Variants in PREX2 observed in about 807,000 individuals in gnomAD.
PREX2 encodes the protein phosphatidylinositol-3,4,5-trisphosphate dependent Rac exchange factor 2.
In PREX2, 107 loss-of-function variants were observed where a neutral mutation model predicts 203.2. The ratio of observed to expected loss-of-function variants is 0.53; its 90% CI spans 0.45 to 0.62. The LOEUF (loss-of-function observed/expected upper bound fraction) is 0.62. Among genes scored for constraint, PREX2 ranks in the 20% least tolerant of loss-of-function variants. The pLI is 0.00. For synonymous variants in PREX2, 672 were observed against 663.6 expected (o/e 1.01, Z -0.19); for missense variants, 1,777 against 1,955.9 (o/e 0.91, Z 1.72).
At chr8:68,035,277 A>T (rs1425061504) in intron 6 of PREX2, among the ~76,000 whole-genome samples, 2 of 151,916 alleles carry the variant, frequency 1.3e-5, no homozygotes, top group East Asian at 3.9e-4. Context: ...TTTTTAAGAG[A>T]CTCCTTTGAT....
At chr8:67,956,902 C>G (rs1407342271) in intron 1 of PREX2, among the ~76,000 whole-genome samples, 2 of 152,160 alleles carry the variant, frequency 1.3e-5, no homozygotes, top group Non-Finnish European at 2.9e-5. Flanking sequence ...TATTTGAGTC[C>G]CATCTCTAAT....
At position 68,023,921 on chromosome 8, in the gene PREX2, G is replaced by T. The variant is rs551929265; in HGVS notation, c.441+1781G>T. Among the ~76,000 whole-genome samples the T allele has an allele frequency of 2.6e-5, 4 of 152,080 alleles. No individual in the cohort carries two copies. The East Asian group carries it at 7.7e-4, about 29-fold the overall frequency. On this transcript the variant is annotated intron_variant, in intron 4 of 39. Coordinates refer to ENST00000288368, the MANE Select transcript of PREX2 (RefSeq NM_024870.4). The stretch of plus-strand genomic sequence containing the variant: ...GGATCAATTATCTGATAATAAAGAT[G>T]ATTTTACTTCTTCTTTTCCATTGTG...
At chr8:68,036,222 T>A (rs1808026504) in intron 6 of PREX2, among the ~76,000 whole-genome samples, 1 of 152,212 alleles carries the variant, frequency 6.6e-6, no homozygotes, top group Non-Finnish European at 1.5e-5. Flanking sequence ...AGCGGTTTGA[T>A]TGATTGTAGC....
At position 68,133,938 on chromosome 8, in the gene PREX2, T is replaced by A. The variant is rs944264690; in HGVS notation, c.3767-121T>A. On this transcript the variant is annotated intron_variant, in intron 31 of 39. Transcript: ENST00000288368. ...GTCATTTATAGAGCTCAAATTCACA[T>A]TTTTCACATGCGTGAGTTTAGTGAA... 10 of 756,174 alleles carry A rather than the reference T, an allele frequency of 1.3e-5. No homozygotes were observed. The African/African-American group carries it at 1.6e-4, about 12-fold the overall frequency. The allele number at this position is 756,174 out of a possible 1,614,324, so 46.8% of individuals were successfully genotyped here. A position where few individuals can be genotyped will look rare whatever the true frequency, so the allele number is the denominator to read the frequency against.
intron 11 of PREX2, among the ~76,000 whole-genome samples, chr8:68,061,378 C>G (rs1272705941): frequency 6.6e-6 from 1 of 152,210 alleles, no homozygotes; most frequent in Non-Finnish European, 1.5e-5. Context: ...CTGATGAATG[C>G]TTTTAAGCAG....
chr8:68,017,070 T>C (rs1411892026), intron 1 of PREX2, among the ~76,000 whole-genome samples: 2 of 152,202 alleles, frequency 1.3e-5, no homozygotes, highest in African/African-American at 4.8e-5. Context: ...TTCTCCTTTT[T>C]CTCCCCTAAA....
At chr8:68,221,460 T>C (rs1303499114) in intron 38 of PREX2, among the ~76,000 whole-genome samples, 1 of 151,840 alleles carries the variant, frequency 6.6e-6, no homozygotes, top group Non-Finnish European at 1.5e-5. Flanking sequence ...TGTTTCATAG[T>C]GTTGTTGTGA....
intron 37 of PREX2, among the ~76,000 whole-genome samples, chr8:68,211,656 C>A (rs1812744740): frequency 6.6e-6 from 1 of 152,182 alleles, no homozygotes; most frequent in African/African-American, 2.4e-5. Context: ...TCAAACCCTT[C>A]TGTTGTCAGC....
At chr8:68,023,234 A>G (rs1346128546) in intron 4 of PREX2, among the ~76,000 whole-genome samples, 2 of 152,186 alleles carry the variant, frequency 1.3e-5, no homozygotes, top group Non-Finnish European at 2.9e-5. Flanking sequence ...TGGCTGTGCC[A>G]TATTTACTGG....
chr8:68,141,349 G>T (rs1216344579), intron 33 of PREX2, among the ~76,000 whole-genome samples: 1 of 152,164 alleles, frequency 6.6e-6, no homozygotes, highest in African/African-American at 2.4e-5. Context: ...CCTTATATGG[G>T]CCAGGCATTG....
chr8:68,135,125 G>GTGTGTGTGTGTGTGTGTGTGT (rs1811090361), intron 32 of PREX2, among the ~76,000 whole-genome samples: 1 of 148,720 alleles, frequency 6.7e-6, no homozygotes, highest in African/African-American at 2.5e-5. Flanking sequence ...GTGTGTGTGT[G>GTGTGTGTGTGTGTGTGTGTGT]AATTACATAT....
At chr8:68,025,205 T>A (rs1244666978) in intron 4 of PREX2, among the ~76,000 whole-genome samples, 1 of 151,870 alleles carries the variant, frequency 6.6e-6, no homozygotes, top group Non-Finnish European at 1.5e-5. Context: ...TTTTTTTTAT[T>A]TTTTTTAAAT....
intron 1 of PREX2, among the ~76,000 whole-genome samples, chr8:68,006,766 A>G (rs1233692010): frequency 6.6e-6 from 1 of 152,202 alleles, no homozygotes; most frequent in African/African-American, 2.4e-5. Flanking sequence ...CATCCCCAAA[A>G]TGTTGGTTCT....
At chr8:68,134,327 G>A in intron 32 of PREX2, 51 bp downstream of exon 32, 1 of 1,390,508 alleles carries the variant, frequency 7.2e-7, no homozygotes. Flanking sequence ...AACCTGCACT[G>A]TAACATGTTT....
intron 38 of PREX2, among the ~76,000 whole-genome samples, chr8:68,220,658 C>T (rs1001967827): frequency 6.6e-5 from 10 of 152,084 alleles, no homozygotes; most frequent in Admixed American, 4.6e-4. Flanking sequence ...TATCAAGACT[C>T]AGAACAGGGA....
chr8:68,062,895 T>A (rs1808900226), intron 11 of PREX2, among the ~76,000 whole-genome samples: 1 of 152,170 alleles, frequency 6.6e-6, no homozygotes, highest in Non-Finnish European at 1.5e-5. Flanking sequence ...AACAAGAGCC[T>A]CACTTGTTAT....
chr8:68,035,431 A>G (rs953652833), intron 6 of PREX2, among the ~76,000 whole-genome samples: 11 of 152,198 alleles, frequency 7.2e-5, no homozygotes, highest in Middle Eastern at 3.4e-3. Context: ...GCCTCCTGTC[A>G]TCTTTCATCT....
At chr8:68,016,360 T>C (rs1369759882) in intron 1 of PREX2, among the ~76,000 whole-genome samples, 1 of 152,240 alleles carries the variant, frequency 6.6e-6, no homozygotes. Context: ...CAGTATTTTA[T>C]AGACATCTCG....
intron 39 of PREX2, 36 bp from the exon 40 acceptor site, chr8:68,231,297 C>A (rs771437919): frequency 2.0e-6 from 3 of 1,528,798 alleles, no homozygotes; most frequent in Non-Finnish European, 2.6e-6. Flanking sequence ...TGGTAATACA[C>A]TAAGTCACTG....
Sources: gnomAD v4.1 joint callset for allele counts (sites outside exome capture counted in the v4.1 genomes callset) on GRCh38, gnomAD v4.1.1 for gene constraint, MANE v1.5 for transcripts, NCBI Gene and HGNC (gene_info 2026-07-23, HGNC 2026-07-21) for gene names.